Variants in FMN1 observed in about 807,000 individuals in gnomAD.
FMN1 encodes the protein formin-1.
A neutral mutation model predicts 132.4 loss-of-function variants in FMN1; 110 were observed. That is an observed-to-expected ratio of 0.83 (90% confidence interval 0.71 to 0.97). The LOEUF (loss-of-function observed/expected upper bound fraction) is 0.97, where lower values mean the gene tolerates loss of function less well. Ranked by LOEUF, FMN1 falls within the 50% of genes least tolerant of loss-of-function variation. The pLI, the probability that FMN1 is intolerant of heterozygous loss-of-function variation, is 0.00. For missense variants in FMN1, 1,792 were observed against 1,705.3 expected (o/e 1.05, Z -0.90); for synonymous variants, 722 against 651.7 (o/e 1.11, Z -1.64).
intron 17 of FMN1, among the ~76,000 whole-genome samples, chr15:32,841,998 T>C (rs569387693): frequency 1.3e-5 from 2 of 152,336 alleles, no homozygotes; most frequent in Admixed American, 6.5e-5. Context: ...GTCTCCAAGA[T>C]GTCCATCATC....
At chr15:33,099,762 T>C (rs2141408432) in intron 4 of FMN1, among the ~76,000 whole-genome samples, 1 of 152,350 alleles carries the variant, frequency 6.6e-6, no homozygotes, top group Non-Finnish European at 1.5e-5. Flanking sequence ...AGTCATTCTC[T>C]AAAAGTCATC....
At chr15:33,101,497 G>A (rs968236766) in intron 4 of FMN1, among the ~76,000 whole-genome samples, 6 of 152,052 alleles carry the variant, frequency 3.9e-5, no homozygotes, top group Non-Finnish European at 7.4e-5. Flanking sequence ...TTTAAGCAAA[G>A]TTTATGAATT....
At chr15:33,094,006 A>T (rs1402763671) in intron 4 of FMN1, among the ~76,000 whole-genome samples, 2 of 152,262 alleles carry the variant, frequency 1.3e-5, no homozygotes, top group African/African-American at 4.8e-5. Flanking sequence ...GCTAGCAGCA[A>T]AGGCAGAACT....
chr15:33,095,951 A>T lies in FMN1; in HGVS notation c.1868-6977T>A, dbSNP rs564583824. ...TTAAAAACTTCCTTTCCAAAAAGAA[A>T]TGATCCTAGCAAACTCACAAAAAGG... On this transcript the variant is annotated intron_variant, in intron 4 of 20. Transcript: ENST00000616417. Among the ~76,000 whole-genome samples, 90 of 152,134 alleles carry T rather than the reference A, an allele frequency of 5.9e-4. No individual in the cohort carries two copies. The Middle Eastern group carries it at 0.01, about 17-fold the overall frequency.
At chr15:32,941,260 C>T (rs981583613) in intron 9 of FMN1, among the ~76,000 whole-genome samples, 2 of 152,142 alleles carry the variant, frequency 1.3e-5, no homozygotes, top group Non-Finnish European at 2.9e-5. Context: ...AAAACATTTA[C>T]TGGAGAGTGT....
At chr15:33,013,270 G>C (rs1596469515) in intron 6 of FMN1, among the ~76,000 whole-genome samples, 1 of 152,186 alleles carries the variant, frequency 6.6e-6, no homozygotes, top group Non-Finnish European at 1.5e-5. Flanking sequence ...TTATATAACA[G>C]GTTATTTTAA....
chr15:33,125,955 C>T (rs1225858479), intron 4 of FMN1, among the ~76,000 whole-genome samples: 1 of 151,890 alleles, frequency 6.6e-6, no homozygotes, highest in Non-Finnish European at 1.5e-5. Flanking sequence ...CGGTTGAAGG[C>T]TTTTTTGTGC....
At position 33,065,054 on chromosome 15, in the gene FMN1, C is replaced by T; in HGVS notation, c.2064G>A (p.Glu688=). Residue 688 remains glutamate (E), a synonymous_variant, in exon 6 of 21, where the codon GAG becomes GAA. Transcript: ENST00000616417. ...GTCTGCCAGGAGTCCTGTCATCCTGCTCAGTCAGGCTGTGGTCAGGCTGTT... is the reference window on the plus strand; with the variant it reads ...GTCTGCCAGGAGTCCTGTCATCCTGTTCAGTCAGGCTGTGGTCAGGCTGTT... ...LDLHPDHSLT[E]QDDRTPGRLQ... 6.2e-7 allele frequency: 1 copy of T among 1,610,020 alleles called. No individual in the cohort carries two copies. Among genetic ancestry groups the T allele is most frequent in the South Asian group, 1.1e-5 (1 of 90,158 alleles).
At chr15:33,106,484 A>G (rs530275643) in intron 4 of FMN1, among the ~76,000 whole-genome samples, 84 of 151,986 alleles carry the variant, frequency 5.5e-4, no homozygotes, top group Non-Finnish European at 1.1e-3. Flanking sequence ...ATATATCCCC[A>G]AATTTTCATC....
chr15:33,031,578 T>C (rs2035939964), intron 6 of FMN1, among the ~76,000 whole-genome samples: 1 of 152,220 alleles, frequency 6.6e-6, no homozygotes, highest in Non-Finnish European at 1.5e-5. Context: ...GTTGTCATCA[T>C]ATGCTTCATT....
chr15:32,796,756 A>C (rs563583005), intron 19 of FMN1, among the ~76,000 whole-genome samples: 2 of 152,354 alleles, frequency 1.3e-5, no homozygotes, highest in African/African-American at 4.8e-5. Flanking sequence ...CTGGATATCA[A>C]GCAGTTTGTT....
Position 32,893,388 on chromosome 15 carries a change from T to C in FMN1, c.3715-5096A>G, listed in dbSNP as rs913441622. Among the ~76,000 whole-genome samples, 16 of 151,726 alleles carry C rather than the reference T, an allele frequency of 1.1e-4. No homozygotes were observed. In the East Asian group the frequency reaches 2.9e-3, roughly 28 times the overall value. ...TGATTGCGTGTGTGTGTGTGCGCGC[T>C]CGTGCGCGCGCTAGAAAAAAGGAAA... On this transcript the variant is annotated intron_variant, in intron 15 of 20. Coordinates refer to ENST00000616417, the MANE Select transcript of FMN1 (RefSeq NM_001277313.2).
intron 5 of FMN1, chr15:33,067,750 T>G: frequency 6.2e-7 from 1 of 1,614,034 alleles, no homozygotes; most frequent in Non-Finnish European, 8.5e-7. Context: ...TCACAGATTC[T>G]AATTTACTCG....
Position 33,186,634 on chromosome 15 carries a change from C to T in FMN1, c.-196-6372G>A, listed in dbSNP as rs186858594. Among the ~76,000 whole-genome samples, 291 of 152,296 alleles carry T rather than the reference C, an allele frequency of 1.9e-3. 1 individual carries two copies. Among genetic ancestry groups the T allele is most frequent in the African/African-American group, 6.5e-3 (269 of 41,564 alleles). On this transcript the variant is annotated intron_variant, in intron 2 of 20. Coordinates refer to ENST00000616417, the MANE Select transcript of FMN1 (RefSeq NM_001277313.2). The stretch of plus-strand genomic sequence containing the variant: ...CTTCACCTATCTTAAGTTTCAGTTT[C>T]CTCTTCATCATGTTTTTCTTTCTTT...
chr15:32,820,993 T>A (rs538274681), intron 17 of FMN1, among the ~76,000 whole-genome samples: 1 of 152,150 alleles, frequency 6.6e-6, no homozygotes, highest in African/African-American at 2.4e-5. Context: ...ATTTTAATAC[T>A]GTCTATATTT....
chr15:33,176,233 C>T (rs1198337952), intron 3 of FMN1, among the ~76,000 whole-genome samples: 1 of 151,876 alleles, frequency 6.6e-6, no homozygotes, highest in East Asian at 1.9e-4. Context: ...GTTAGCTGGG[C>T]ATAGTAGCAC....
At chr15:33,172,184 G>A (rs528254583) in intron 3 of FMN1, among the ~76,000 whole-genome samples, 1 of 151,990 alleles carries the variant, frequency 6.6e-6, no homozygotes, top group Admixed American at 6.5e-5. Context: ...CTCCAGACTG[G>A]GTGGCAGAGC....
chr15:32,898,846 A>G lies in FMN1; in HGVS notation c.3702T>C (p.Arg1234=), dbSNP rs1399362093. The G allele has an allele frequency of 6.3e-7, 1 of 1,597,208 alleles. No individual in the cohort carries two copies. The highest frequency in any genetic ancestry group is 8.6e-7 in the Non-Finnish European group (1 of 1,165,604). The change falls in exon 15 of 21, where the codon CGT becomes CGC. Residue 1234 remains arginine, a synonymous_variant. Coordinates refer to ENST00000616417, the MANE Select transcript of FMN1 (RefSeq NM_001277313.2). The part of the protein sequence containing the change: ...LVDYVVKYYL[R]YYDQEAGTEK... ...TACCATTTCTTACCTGATCATAGTA[A>G]CGCAGGTAATACTTAACAACGTAGT...
At chr15:33,152,258 C>A (rs999295066) in intron 4 of FMN1, among the ~76,000 whole-genome samples, 7 of 152,100 alleles carry the variant, frequency 4.6e-5, no homozygotes, top group Admixed American at 3.9e-4. Flanking sequence ...CTATTGAATC[C>A]ACAAAATTAT....
Sources: allele counts gnomAD v4.1 joint callset (sites outside exome capture counted in the v4.1 genomes callset), GRCh38; gene constraint gnomAD v4.1.1; transcripts MANE v1.5; gene names NCBI Gene and HGNC (gene_info 2026-07-23, HGNC 2026-07-21).